The following HEG1 variants were observed in gnomAD, a reference collection of about 807,000 sequenced individuals.
HEG1 encodes the protein heart development protein with EGF like domains 1.
Under a neutral mutation model 125.6 loss-of-function variants are expected in HEG1, and 56 were observed. The ratio of observed to expected loss-of-function variants is 0.45; its 90% confidence interval spans 0.36 to 0.56. HEG1 has a LOEUF of 0.56. Among genes scored for constraint, HEG1 ranks in the 20% least tolerant of loss-of-function variants. The probability of loss-of-function intolerance (pLI) is 0.00; values close to 1 mark genes in which losing one functional copy is unlikely to be tolerated. For missense variants in HEG1, 1,523 were observed against 1,670.0 expected, an observed-to-expected ratio of 0.91 and a Z score of 1.53; for synonymous variants, 644 against 668.5, an observed-to-expected ratio of 0.96 and a Z score of 0.57.
intron 14 of HEG1, among the ~76,000 whole-genome samples, chr3:124,982,907 T>C (rs1936677574): frequency 6.6e-6 from 1 of 152,188 alleles, no homozygotes; most frequent in Admixed American, 6.5e-5. Flanking sequence ...ATTGCTGAGC[T>C]AGAGACCTCC....
intron 16 of HEG1, among the ~76,000 whole-genome samples, chr3:124,973,445 A>C (rs1579391986): frequency 1.3e-5 from 2 of 152,226 alleles, no homozygotes; most frequent in Non-Finnish European, 2.9e-5. Flanking sequence ...TCTACCTTTC[A>C]GTTTCCATTC....
intron 1 of HEG1, among the ~76,000 whole-genome samples, chr3:125,046,770 G>A (rs1248406958): frequency 1.3e-5 from 2 of 152,102 alleles, no homozygotes; most frequent in African/African-American, 4.8e-5. Flanking sequence ...GAAACACAAG[G>A]GAGTTGCTCA....
chr3:124,975,778 C>T (rs142364093), intron 15 of HEG1, among the ~76,000 whole-genome samples: 1 of 152,166 alleles, frequency 6.6e-6, no homozygotes, highest in African/African-American at 2.4e-5. Flanking sequence ...TAGAATCATA[C>T]AGTAGGTGGT....
At chr3:125,035,664 G>C (rs1937542041) in intron 1 of HEG1, among the ~76,000 whole-genome samples, 1 of 151,606 alleles carries the variant, frequency 6.6e-6, no homozygotes, top group African/African-American at 2.4e-5. Context: ...CTTTCAAGCA[G>C]AAGAAAAACA....
At chr3:125,031,572 G>T (rs79855816) in intron 1 of HEG1, among the ~76,000 whole-genome samples, 4,943 of 152,048 alleles carry the variant, frequency 0.033, 251 homozygotes, top group African/African-American at 0.11. Context: ...GAATCACTTC[G>T]ATTTATATGA....
At chr3:124,987,523 C>CTTT (rs1204657705) in intron 14 of HEG1, among the ~76,000 whole-genome samples, 43 of 136,176 alleles carry the variant, frequency 3.2e-4, no homozygotes, top group Non-Finnish European at 6.1e-4. Context: ...TTCTTTTTTT[C>CTTT]TTTTTTTTTT....
At chr3:124,984,960 G>A (rs573708545) in intron 14 of HEG1, among the ~76,000 whole-genome samples, 1 of 152,150 alleles carries the variant, frequency 6.6e-6, no homozygotes, top group Non-Finnish European at 1.5e-5. Flanking sequence ...AATTACGTAA[G>A]TGAAAACATT....
chr3:125,055,773 G>T lies in HEG1; in HGVS notation c.118C>A (p.Arg40Ser). 1.0e-6 allele frequency: 1 copy of T among 997,124 alleles called. No homozygotes were observed. Among genetic ancestry groups the T allele is most frequent in the South Asian group, 4.5e-5 (1 of 22,240 alleles). The allele number at this position is 997,124 out of a possible 1,614,324, so 61.8% of individuals were successfully genotyped here. The change falls in exon 1 of 17, where the codon CGC becomes AGC. Residue 40 changes from arginine to serine, a missense_variant. Coordinates refer to ENST00000311127, the MANE Select transcript of HEG1 (RefSeq NM_020733.2). ...GCGAGGGGCGCCAGGCTCAGCGCGCGGCGAGCCGGGGAAGGCGGCGGGTCC... is the reference window on the plus strand; with the variant it reads ...GCGAGGGGCGCCAGGCTCAGCGCGCTGCGAGCCGGGGAAGGCGGCGGGTCC... Reference protein sequence around the residue: ...TRDPPPSPARRALSLAPLAGA... With the variant: ...TRDPPPSPARSALSLAPLAGA...
At chr3:125,020,456 G>A (rs575666275) in intron 4 of HEG1, among the ~76,000 whole-genome samples, 1 of 152,048 alleles carries the variant, frequency 6.6e-6, no homozygotes, top group South Asian at 2.1e-4. Context: ...AGAGTAGGCC[G>A]GCTCTCAGCT....
At chr3:125,009,657 A>T in intron 8 of HEG1, 48 bp downstream of exon 8, 21 of 1,531,546 alleles carry the variant, frequency 1.4e-5, no homozygotes, top group Non-Finnish European at 1.9e-5. Context: ...TACCTTGTAA[A>T]ATATATTGTG....
At chr3:124,977,470 T>C (rs886818159) in intron 15 of HEG1, among the ~76,000 whole-genome samples, 2 of 152,210 alleles carry the variant, frequency 1.3e-5, no homozygotes, top group Non-Finnish European at 2.9e-5. Flanking sequence ...TAGATACAAG[T>C]CCCTTATTAG....
In HEG1 at chr3:124,981,481, A is replaced by G. The variant is rs558175914; in HGVS notation, c.3734-3535T>C. On this transcript the variant is annotated intron_variant, in intron 14 of 16. Coordinates refer to ENST00000311127, the MANE Select transcript of HEG1 (RefSeq NM_020733.2). ...ACTGGCATAGACGAGGGCTTCTCAA[A>G]CTCCCGTCTGCGTCTCAGTCACCCA... Among the ~76,000 whole-genome samples, 3 of 152,016 alleles carry G rather than the reference A, an allele frequency of 2.0e-5. No homozygotes were observed. The East Asian group carries it at 5.8e-4, about 29-fold the overall frequency.
intron 5 of HEG1, among the ~76,000 whole-genome samples, chr3:125,016,535 A>G (rs1037926768): frequency 7.2e-5 from 11 of 152,236 alleles, no homozygotes; most frequent in Admixed American, 6.5e-5. Context: ...TGACCCCCAC[A>G]GTAGTGAGGG....
chr3:125,009,056 C>T (rs1295951122), intron 8 of HEG1, among the ~76,000 whole-genome samples: 1 of 152,208 alleles, frequency 6.6e-6, no homozygotes, highest in East Asian at 1.9e-4. Context: ...TGTTTGCTTG[C>T]TTTTTAACTT....
intron 16 of HEG1, chr3:124,972,149 G>A (rs963751938): frequency 1.3e-5 from 2 of 152,126 alleles, no homozygotes; most frequent in Admixed American, 6.5e-5. Context: ...TCTTGACTAC[G>A]TTTATTTAAG....
At position 125,010,566 on chromosome 3, in the gene HEG1, A is replaced by G. The variant is rs1937144039; in HGVS notation, c.2957-11T>C. ...CAGCACAGCTGTTGACTACAAACACATTCCAGGAGTAAAGCAGTTAACCAC... is the reference window on the plus strand; with the variant it reads ...CAGCACAGCTGTTGACTACAAACACGTTCCAGGAGTAAAGCAGTTAACCAC... On this transcript the variant is annotated splice_polypyrimidine_tract_variant and intron_variant, in intron 6 of 16. Transcript: ENST00000311127. The G allele has an allele frequency of 1.3e-6, 2 of 1,503,608 alleles. No individual in the cohort carries two copies. Among genetic ancestry groups the G allele is most frequent in the African/African-American group, 1.4e-5 (1 of 72,192 alleles). 93.1% of individuals were successfully genotyped at this position (1,503,608 alleles called of 1,614,324 possible).
At chr3:124,977,807 T>C (rs1032289494) in intron 15 of HEG1, 52 bp downstream of exon 15, 157 of 1,202,358 alleles carry the variant, frequency 1.3e-4, no homozygotes, top group Non-Finnish European at 1.8e-4. Flanking sequence ...AACTGACCCT[T>C]GTATAGCACA....
chr3:124,992,780 G>A (rs1160446097), intron 12 of HEG1, among the ~76,000 whole-genome samples: 1 of 152,194 alleles, frequency 6.6e-6, no homozygotes, highest in African/African-American at 2.4e-5. Context: ...GAGTGTTGTG[G>A]AATACAGTTT....
intron 11 of HEG1, among the ~76,000 whole-genome samples, chr3:125,001,405 T>A (rs1227517290): frequency 1.3e-5 from 2 of 152,080 alleles, no homozygotes; most frequent in African/African-American, 2.4e-5. Flanking sequence ...CAGCCTCCCA[T>A]AGTACTGGGA....
Sources: gnomAD v4.1 joint callset for allele counts (sites outside exome capture counted in the v4.1 genomes callset) on GRCh38, gnomAD v4.1.1 for gene constraint, MANE v1.5 for transcripts, NCBI Gene and HGNC (gene_info 2026-07-23, HGNC 2026-07-21) for gene names.